Variants in PDS5B observed in about 807,000 individuals in gnomAD.
The protein encoded by PDS5B is sister chromatid cohesion protein PDS5 homolog B.
A neutral mutation model predicts 184.1 loss-of-function variants in PDS5B; 51 were observed. The ratio of observed to expected loss-of-function variants is 0.28; its 90% CI spans 0.22 to 0.35. PDS5B has a LOEUF of 0.35. PDS5B is among the 10% of genes least tolerant of loss of function. The probability of loss-of-function intolerance (pLI) is 1.00; values close to 1 mark genes in which losing one functional copy is unlikely to be tolerated. For missense variants in PDS5B, 1,180 were observed against 1,723.3 expected (o/e 0.68, Z 5.58); for synonymous variants, 566 against 569.2 (o/e 0.99, Z 0.08).
Position 32,656,250 on chromosome 13 carries a change from G to A in PDS5B, c.313-1989G>A, listed in dbSNP as rs1202988353. 2.0e-5 allele frequency among the ~76,000 whole-genome samples: 3 copies of A among 147,716 alleles called. No homozygotes were observed. The East Asian group carries it at 5.8e-4, about 29-fold the overall frequency. On this transcript the variant is annotated intron_variant, in intron 3 of 34. Coordinates refer to ENST00000315596, the MANE Select transcript of PDS5B (RefSeq NM_015032.4). ...TAGCCTTGTAGTATACTTTAAAGTT[G>A]GGTAATGTGATGTCTCCAGCTTCTT...
At chr13:32,768,326 G>A (rs1455374976) in intron 31 of PDS5B, among the ~76,000 whole-genome samples, 1 of 152,082 alleles carries the variant, frequency 6.6e-6, no homozygotes, top group Admixed American at 6.5e-5. Context: ...GCTCACTGAT[G>A]TTTCCTCTTA....
intron 14 of PDS5B, among the ~76,000 whole-genome samples, chr13:32,694,913 C>T (rs767706601): frequency 1.3e-5 from 2 of 151,102 alleles, no homozygotes; most frequent in East Asian, 1.9e-4. Context: ...AAAAGCAGTG[C>T]GCCTGGTCAT....
chr13:32,634,238 T>A (rs1413108344), intron 1 of PDS5B, among the ~76,000 whole-genome samples: 3 of 152,182 alleles, frequency 2.0e-5, no homozygotes, highest in Non-Finnish European at 4.4e-5. Flanking sequence ...ACAACTGCCT[T>A]ATGTGATAAT....
chr13:32,688,624 T>C (rs1474578313), intron 13 of PDS5B, 55 bp downstream of exon 13: 1 of 1,059,770 alleles, frequency 9.4e-7, no homozygotes, highest in Non-Finnish European at 1.5e-6. Flanking sequence ...ATATTGGATT[T>C]TATGGAAAAG....
At chr13:32,760,102 C>T (rs1292754948) in intron 29 of PDS5B, among the ~76,000 whole-genome samples, 1 of 152,044 alleles carries the variant, frequency 6.6e-6, no homozygotes, top group Non-Finnish European at 1.5e-5. Context: ...ACTACAGGTG[C>T]CTGCCACCAC....
Position 32,711,783 on chromosome 13 carries a change from C to T in PDS5B, c.2123+1677C>T, listed in dbSNP as rs374316583. Among the ~76,000 whole-genome samples, 78 of 151,934 alleles carry T rather than the reference C, an allele frequency of 5.1e-4. No homozygotes were observed. The Middle Eastern group carries it at 0.01, about 20-fold the overall frequency. On this transcript the variant is annotated intron_variant, in intron 19 of 34. Coordinates refer to ENST00000315596, the MANE Select transcript of PDS5B (RefSeq NM_015032.4). ...TGTGTATGTGTATGTGTGTATTTGTCGCACACACATATGTAGTACGTATAC... is the reference window on the plus strand; with the variant it reads ...TGTGTATGTGTATGTGTGTATTTGTTGCACACACATATGTAGTACGTATAC...
chr13:32,768,876 C>T (rs1391318611), intron 31 of PDS5B, among the ~76,000 whole-genome samples: 4 of 137,262 alleles, frequency 2.9e-5, no homozygotes, highest in Non-Finnish European at 4.6e-5. Flanking sequence ...CCGAGGCGGG[C>T]GGATCACAAG....
At chr13:32,603,185 A>T (rs2058005179) in intron 1 of PDS5B, among the ~76,000 whole-genome samples, 1 of 152,188 alleles carries the variant, frequency 6.6e-6, no homozygotes, top group Non-Finnish European at 1.5e-5. Flanking sequence ...TATGTCCTGA[A>T]TGGTATTACC....
Position 32,655,359 on chromosome 13 carries a change from C to CATATATATATAT in PDS5B, c.313-2875_313-2864dup, listed in dbSNP as rs1177251327. ...AAAAGTATCTCTTCATGTTCTTTGC[C>CATATATATATAT]ATATATATATATATATTTTTTTTTT... On this transcript the variant is annotated intron_variant, in intron 3 of 34. Transcript: ENST00000315596. Among the ~76,000 whole-genome samples, 60 of 39,596 alleles carry CATATATATATAT rather than the reference C, an allele frequency of 1.5e-3. 3 individuals are homozygous for CATATATATATAT. The highest frequency in any genetic ancestry group is 6.2e-3 in the African/African-American group (41 of 6,612). The allele number at this position is 39,596 out of a possible 152,430, so 26.0% of individuals were successfully genotyped here.
chr13:32,751,995 A>C (rs7318975), intron 24 of PDS5B, among the ~76,000 whole-genome samples: 311 of 152,308 alleles, frequency 2.0e-3, no homozygotes, highest in African/African-American at 7.3e-3. Flanking sequence ...AGATAAACTA[A>C]ATGATCATTC....
intron 1 of PDS5B, among the ~76,000 whole-genome samples, chr13:32,635,882 C>T (rs1196309391): frequency 4.0e-5 from 6 of 151,506 alleles, no homozygotes; most frequent in Admixed American, 2.6e-4. Flanking sequence ...CATTCTCCTG[C>T]CTCAGCCTCC....
At chr13:32,747,472 G>A (rs571907790) in intron 24 of PDS5B, among the ~76,000 whole-genome samples, 1 of 151,880 alleles carries the variant, frequency 6.6e-6, no homozygotes, top group South Asian at 2.1e-4. Context: ...AGCTATTTCG[G>A]CCGGGCGTGG....
intron 1 of PDS5B, among the ~76,000 whole-genome samples, chr13:32,606,210 G>C (rs1405244384): frequency 6.6e-6 from 1 of 152,176 alleles, no homozygotes; most frequent in East Asian, 1.9e-4. Flanking sequence ...GGTACTGGTT[G>C]TTCCTTTCCA....
chr13:32,722,434 C>A (rs1259071442), intron 19 of PDS5B, among the ~76,000 whole-genome samples: 1 of 152,170 alleles, frequency 6.6e-6, no homozygotes, highest in Non-Finnish European at 1.5e-5. Context: ...TTTAGATATA[C>A]AGATATTTAC....
At chr13:32,681,095 G>A (rs1007594352) in intron 10 of PDS5B, among the ~76,000 whole-genome samples, 2 of 152,072 alleles carry the variant, frequency 1.3e-5, no homozygotes, top group Non-Finnish European at 2.9e-5. Context: ...TCCTTCTTAG[G>A]CTCATATTGG....
intron 9 of PDS5B, among the ~76,000 whole-genome samples, chr13:32,677,571 G>A (rs17077736): frequency 0.021 from 3,219 of 152,144 alleles, 59 homozygotes; most frequent in South Asian, 0.064. Flanking sequence ...AAATGATAAC[G>A]TATATAGGAT....
At chr13:32,625,455 T>C (rs1388803890) in intron 1 of PDS5B, among the ~76,000 whole-genome samples, 2 of 152,218 alleles carry the variant, frequency 1.3e-5, no homozygotes, top group Non-Finnish European at 2.9e-5. Context: ...AAAATTCTTT[T>C]GTGTTTTTCT....
At chr13:32,743,749 G>C (rs1357273265) in intron 23 of PDS5B, among the ~76,000 whole-genome samples, 1 of 151,930 alleles carries the variant, frequency 6.6e-6, no homozygotes, top group African/African-American at 2.4e-5. Flanking sequence ...AAAAAACTTG[G>C]TAAGCTATTC....
chr13:32,627,157 A>G (rs2058383189), intron 1 of PDS5B, among the ~76,000 whole-genome samples: 1 of 152,238 alleles, frequency 6.6e-6, no homozygotes, highest in African/African-American at 2.4e-5. Context: ...GATCTTGAGA[A>G]TAGCTGTATT....
Sources: allele counts gnomAD v4.1 joint callset (sites outside exome capture counted in the v4.1 genomes callset), GRCh38; gene constraint gnomAD v4.1.1; transcripts MANE v1.5; gene names NCBI Gene and HGNC (gene_info 2026-07-23, HGNC 2026-07-21).